The following ZDHHC7 variants were observed in gnomAD, a reference collection of about 807,000 sequenced individuals.
The protein encoded by ZDHHC7 is zDHHC palmitoyltransferase 7.
In ZDHHC7, 12 loss-of-function variants were observed where a neutral mutation model predicts 34.1. The observed-to-expected ratio is 0.35, with a 90% confidence interval of 0.23 to 0.57. The LOEUF is 0.57. Ranked by LOEUF, ZDHHC7 falls within the 20% of genes least tolerant of loss-of-function variation. The pLI is 0.84. For synonymous variants in ZDHHC7, 185 were observed against 155.4 expected (o/e 1.19, Z -1.42); for missense variants, 388 against 402.7 (o/e 0.96, Z 0.31).
chr16:85,026,937 T>C, the ZDHHC7 span, among the ~76,000 whole-genome samples: 1 of 152,104 alleles, frequency 6.6e-6, no homozygotes, highest in African/African-American at 2.4e-5. Context: ...ACCCCCACAT[T>C]ACTAGGGAGG....
At chr16:85,006,806 G>A (rs1452906915) in intron 1 of ZDHHC7, among the ~76,000 whole-genome samples, 4 of 152,220 alleles carry the variant, frequency 2.6e-5, no homozygotes, top group South Asian at 2.1e-4. Context: ...AACCTGTTGC[G>A]AAACCTTCTG....
At chr16:84,994,883 G>A (rs538072051) in intron 2 of ZDHHC7, among the ~76,000 whole-genome samples, 2 of 152,242 alleles carry the variant, frequency 1.3e-5, no homozygotes, top group South Asian at 4.2e-4. Flanking sequence ...GACAAATACA[G>A]CTCTCAGTAA....
intron 1 of ZDHHC7, among the ~76,000 whole-genome samples, chr16:85,003,642 GC>G (rs2072680167): frequency 6.6e-6 from 1 of 152,058 alleles, no homozygotes; most frequent in Non-Finnish European, 1.5e-5. Context: ...CCCAACTCAA[GC>G]CAGATCTCAA....
At chr16:85,000,522 A>C (rs749724260) in intron 1 of ZDHHC7, among the ~76,000 whole-genome samples, 6 of 152,210 alleles carry the variant, frequency 3.9e-5, no homozygotes, top group Non-Finnish European at 7.4e-5. Flanking sequence ...AATTATTTTT[A>C]CCACTGCACT....
At chr16:84,988,651 G>A in intron 3 of ZDHHC7, 5 of 888,450 alleles carry the variant, frequency 5.6e-6, no homozygotes, top group Non-Finnish European at 8.8e-6. Context: ...AGTAGCTGTA[G>A]AGTCTGAGCG....
the ZDHHC7 span, among the ~76,000 whole-genome samples, chr16:85,024,230 G>GTTTTTT: frequency 5.5e-5 from 6 of 108,730 alleles, no homozygotes; most frequent in Non-Finnish European, 7.3e-5. Context: ...AGAGTTTTTT[G>GTTTTTT]TTTTTTTTTT....
intron 3 of ZDHHC7, among the ~76,000 whole-genome samples, chr16:84,983,177 G>C (rs1597536103): frequency 6.6e-6 from 1 of 152,230 alleles, no homozygotes; most frequent in African/African-American, 2.4e-5. Flanking sequence ...GAGACCCACG[G>C]ACACTGGGAA....
intron 1 of ZDHHC7, among the ~76,000 whole-genome samples, chr16:85,000,288 G>C (rs1597557560): frequency 6.6e-6 from 1 of 152,236 alleles, no homozygotes. Flanking sequence ...CCAGCGAGCA[G>C]TGGAGTCACT....
At chr16:84,989,740 A>G (rs1358475462) in intron 3 of ZDHHC7, among the ~76,000 whole-genome samples, 1 of 150,756 alleles carries the variant, frequency 6.6e-6, no homozygotes, top group Non-Finnish European at 1.5e-5. Context: ...ACGTCTGGGT[A>G]CCTTCTTTAG....
At chr16:85,024,230 G>GTTTT in the ZDHHC7 span, among the ~76,000 whole-genome samples, 26 of 108,720 alleles carry the variant, frequency 2.4e-4, no homozygotes, top group South Asian at 6.3e-4. Flanking sequence ...AGAGTTTTTT[G>GTTTT]TTTTTTTTTT....
At chr16:84,994,281 C>T (rs2072548050) in intron 2 of ZDHHC7, among the ~76,000 whole-genome samples, 1 of 152,240 alleles carries the variant, frequency 6.6e-6, no homozygotes, top group Non-Finnish European at 1.5e-5. Flanking sequence ...CTCTCAGATT[C>T]CAATCACCTC....
At chr16:84,981,607 T>C (rs772398912) in intron 4 of ZDHHC7, among the ~76,000 whole-genome samples, 6 of 152,226 alleles carry the variant, frequency 3.9e-5, no homozygotes, top group African/African-American at 7.2e-5. Flanking sequence ...CCTCCAGTTG[T>C]TGAGCCACAG....
intron 4 of ZDHHC7, among the ~76,000 whole-genome samples, chr16:84,979,974 A>G (rs1403715510): frequency 6.7e-5 from 5 of 74,672 alleles, no homozygotes; most frequent in Admixed American, 2.0e-4. Context: ...TTTTTTTTTG[A>G]GATGGAGTCT....
intron 4 of ZDHHC7, 59 bp downstream of exon 4, chr16:84,981,811 A>C (rs2072372309): frequency 6.2e-7 from 1 of 1,611,846 alleles, no homozygotes; most frequent in Non-Finnish European, 8.5e-7. Context: ...GGTTTAATAC[A>C]GCAGCACACG....
intron 1 of ZDHHC7, among the ~76,000 whole-genome samples, chr16:84,996,847 T>C (rs1260088668): frequency 6.6e-6 from 1 of 151,880 alleles, no homozygotes; most frequent in African/African-American, 2.4e-5. Flanking sequence ...GCCAAGATGG[T>C]GAAACCCCGT....
Position 84,979,059 on chromosome 16 carries a change from T to C in ZDHHC7, c.537+130A>G, listed in dbSNP as rs184354951. 1.2e-5 allele frequency: 10 copies of C among 859,776 alleles called. No individual in the cohort carries two copies. The East Asian group carries it at 2.5e-4, about 21-fold the overall frequency. 53.3% of individuals were successfully genotyped at this position (859,776 alleles called of 1,614,324 possible). On this transcript the variant is annotated intron_variant, in intron 5 of 7. Coordinates refer to ENST00000313732, the MANE Select transcript of ZDHHC7 (RefSeq NM_017740.3). Reference sequence around the variant, plus strand: ...TCCTGCCAATGACAGCACAGTATTATAATTTGAATCCTGGAGAAAAGGCTG... The same window carrying C: ...TCCTGCCAATGACAGCACAGTATTACAATTTGAATCCTGGAGAAAAGGCTG...
At chr16:85,010,711 G>C (rs1388583997) in intron 1 of ZDHHC7, among the ~76,000 whole-genome samples, 2 of 152,188 alleles carry the variant, frequency 1.3e-5, no homozygotes, top group Admixed American at 1.3e-4. Flanking sequence ...AGTTGTAGAA[G>C]GAACCACACC....
At chr16:85,024,019 G>C in the ZDHHC7 span, among the ~76,000 whole-genome samples, 1 of 152,252 alleles carries the variant, frequency 6.6e-6, no homozygotes, top group Non-Finnish European at 1.5e-5. Flanking sequence ...CCGGGTTCAA[G>C]CAATTCTCCA....
At chr16:84,993,601 C>G (rs2072538511) in intron 2 of ZDHHC7, among the ~76,000 whole-genome samples, 1 of 151,394 alleles carries the variant, frequency 6.6e-6, no homozygotes, top group East Asian at 2.0e-4. Flanking sequence ...ACAATCCCAC[C>G]ACTGCAGTCC....
Sources: allele counts gnomAD v4.1 joint callset (sites outside exome capture counted in the v4.1 genomes callset), GRCh38; gene constraint gnomAD v4.1.1; transcripts MANE v1.5; gene names NCBI Gene and HGNC (gene_info 2026-07-23, HGNC 2026-07-21).